The following CASP8 variants were observed in gnomAD, a reference collection of about 807,000 sequenced individuals.
The protein encoded by CASP8 is caspase 8.
CASP8 carries 24 observed loss-of-function variants against 46.3 expected under a neutral mutation model. The observed-to-expected ratio is 0.52, with a 90% CI of 0.38 to 0.73. The LOEUF (loss-of-function observed/expected upper bound fraction) is 0.73, where lower values mean the gene tolerates loss of function less well. Ranked by LOEUF, CASP8 falls within the 30% of genes least tolerant of loss-of-function variation. The pLI is 0.00. For synonymous variants in CASP8, 188 were observed against 200.4 expected, an observed-to-expected ratio of 0.94 and a Z score of 0.52; for missense variants, 460 against 559.0, an observed-to-expected ratio of 0.82 and a Z score of 1.79.
intron 2 of CASP8, chr2:201,242,962 T>C (rs577800351): frequency 6.4e-6 from 1 of 156,248 alleles, no homozygotes; most frequent in South Asian, 2.0e-4. Context: ...TTATGCTAAG[T>C]GAAATAAGCC....
At chr2:201,246,848 G>A (rs1946543959) in intron 2 of CASP8, among the ~76,000 whole-genome samples, 1 of 152,148 alleles carries the variant, frequency 6.6e-6, no homozygotes, top group Non-Finnish European at 1.5e-5. Flanking sequence ...TGGGGGGCCA[G>A]GGAGGAGCAA....
chr2:201,277,930 A>C (rs955985083), intron 7 of CASP8: 1 of 208,106 alleles, frequency 4.8e-6, no homozygotes, highest in African/African-American at 2.4e-5. Context: ...TGAACTCCTG[A>C]CCTCAAGTGA....
intron 7 of CASP8, chr2:201,281,870 A>G (rs1949043603): frequency 6.7e-7 from 1 of 1,481,682 alleles, no homozygotes; most frequent in Non-Finnish European, 9.0e-7. Context: ...AATAAATATT[A>G]GAAGCCTGCA....
At chr2:201,257,765 G>C (rs141297614), upstream of CASP8, among the ~76,000 whole-genome samples, 1 of 152,296 alleles carries the variant, frequency 6.6e-6, no homozygotes, top group Non-Finnish European at 1.5e-5. Flanking sequence ...AGGGAGGAGA[G>C]GGCTGGTCTG....
chr2:201,259,125 A>G (rs1034472015), upstream of CASP8, among the ~76,000 whole-genome samples: 3 of 152,174 alleles, frequency 2.0e-5, no homozygotes, highest in Non-Finnish European at 4.4e-5. Context: ...ATTATTGCAT[A>G]TTAATACTAT....
In CASP8 at chr2:201,266,660, T is replaced by C. The variant is rs374717331; in HGVS notation, c.174T>C (p.Asn58=). ...LQEKRMLEES[N]LSFLKELLFR... ...AAAAGAGAATGTTGGAGGAAAGCAA[T>C]CTGTCCTTCCTGAAGGAGCTGCTCT... is the stretch of plus-strand genomic sequence containing the variant. The change falls in exon 2 of 9, where the codon AAT becomes AAC. Residue 58 remains asparagine (N), a synonymous_variant. Transcript: ENST00000673742. This position sits in a 1 kb window ranked among gnomAD's most constrained non-coding sequence, Gnocchi z 5.7. 1.9e-6 allele frequency: 3 copies of C among 1,613,884 alleles called. No homozygotes were observed. In the African/African-American group the frequency reaches 4.0e-5, roughly 22 times the overall value.
At chr2:201,253,926 A>C (rs1227655507) in intron 2 of CASP8, among the ~76,000 whole-genome samples, 3 of 152,086 alleles carry the variant, frequency 2.0e-5, no homozygotes, top group Non-Finnish European at 4.4e-5. Context: ...TACTAAAAAT[A>C]CAAAATTAGC....
In CASP8 at chr2:201,272,338, A is replaced by G. The variant is rs1366994655; in HGVS notation, c.412-300A>G. The stretch of plus-strand genomic sequence containing the variant: ...ACCATGATGACCGGGCTGCTGTCTC[A>G]GGTTGTTTCACAGTCCCCAAGTAAT... On this transcript the variant is annotated intron_variant, in intron 3 of 8. Transcript: ENST00000673742. The surrounding 1 kb of genome is among the most constrained non-coding windows in gnomAD (Gnocchi z 4.4). 6.6e-6 allele frequency among the ~76,000 whole-genome samples: 1 copy of G among 152,044 alleles called. No homozygotes were observed.
rs367547356 is a variant in CASP8, at chr2:201,269,483, T to A, written c.306-2033T>A. 5.7e-5 allele frequency: 90 copies of A among 1,567,842 alleles called. 2 individuals are homozygous for A. The African/African-American group carries it at 5.9e-4, about 10-fold the overall frequency. On this transcript the variant is annotated intron_variant, in intron 2 of 8. Coordinates refer to ENST00000673742, the MANE Select transcript of CASP8 (RefSeq NM_001372051.1). ...AGGAAAGCCGAGGGGGGTCTCATCT[T>A]GTGCCCACCATCTTGGTCCTTTGAA...
intron 2 of CASP8, among the ~76,000 whole-genome samples, chr2:201,247,333 A>G (rs1199486921): frequency 2.0e-5 from 3 of 151,880 alleles, no homozygotes; most frequent in Non-Finnish European, 4.4e-5. Context: ...ATGTATGTGA[A>G]TTAGGTTGCT....
At chr2:201,259,882 T>A (rs895673249), upstream of CASP8, among the ~76,000 whole-genome samples, 11 of 151,430 alleles carry the variant, frequency 7.3e-5, no homozygotes, top group Non-Finnish European at 1.2e-4. Context: ...CATTTTAGAG[T>A]TTTTTCTTTT....
chr2:201,233,953 G>A (rs1258551698), intron 1 of CASP8: 1 of 152,284 alleles, frequency 6.6e-6, no homozygotes, highest in Non-Finnish European at 1.5e-5. Context: ...ATCAGTAGAA[G>A]GAGGGCCCAG....
intron 5 of CASP8, 47 bp from the exon 6 acceptor site, chr2:201,274,842 C>G: frequency 1.4e-6 from 2 of 1,401,406 alleles, no homozygotes; most frequent in East Asian, 4.6e-5. Flanking sequence ...ACCAGTGTAC[C>G]TTTCCTGCCA....
At chr2:201,235,492 T>C (rs1946011083) in intron 2 of CASP8, among the ~76,000 whole-genome samples, 1 of 152,210 alleles carries the variant, frequency 6.6e-6, no homozygotes, top group Non-Finnish European at 1.5e-5. Flanking sequence ...CTCTACTTTC[T>C]TGATTTCTTT....
chr2:201,260,042 G>A (rs1310778875), upstream of CASP8, among the ~76,000 whole-genome samples: 2 of 150,232 alleles, frequency 1.3e-5, no homozygotes, highest in East Asian at 3.9e-4. Context: ...TGACCTTGGG[G>A]CCACAGAGAT....
chr2:201,286,399 AG>A, intron 8 of CASP8, 59 bp from the exon 9 acceptor site: 1 of 1,582,332 alleles, frequency 6.3e-7, no homozygotes, highest in South Asian at 1.1e-5. Flanking sequence ...ACAGCAGAGG[AG>A]ACAGTTCATC....
At chr2:201,277,895 T>C (rs1252896485) in intron 7 of CASP8, 5 of 248,834 alleles carry the variant, frequency 2.0e-5, no homozygotes, top group East Asian at 1.6e-4. Flanking sequence ...GAGATGGGGT[T>C]TTGCCATATT....
chr2:201,275,430 G>A (rs1196412174), intron 6 of CASP8, among the ~76,000 whole-genome samples: 1 of 152,186 alleles, frequency 6.6e-6, no homozygotes, highest in East Asian at 1.9e-4. Flanking sequence ...GCAGAAACAT[G>A]TAATTTTTAG....
intron 1 of CASP8, among the ~76,000 whole-genome samples, chr2:201,265,626 G>C (rs1947757670): frequency 6.6e-6 from 1 of 151,964 alleles, no homozygotes; most frequent in Non-Finnish European, 1.5e-5. Flanking sequence ...TCCTTTCTTA[G>C]CTCCTCATCA....
Sources: gnomAD v4.1 joint callset for allele counts (sites outside exome capture counted in the v4.1 genomes callset) on GRCh38, gnomAD v4.1.1 for gene constraint, Gnocchi (gnomAD v3.1) non-coding constraint, MANE v1.5 for transcripts, NCBI Gene and HGNC (gene_info 2026-07-23, HGNC 2026-07-21) for gene names.